Variants in RPS6KA3 observed in about 807,000 individuals in gnomAD.
The protein encoded by RPS6KA3 is ribosomal protein S6 kinase A3.
In RPS6KA3, 4 loss-of-function variants were observed where a neutral mutation model predicts 67.2. That is an observed-to-expected ratio of 0.06 (90% CI 0.03 to 0.14). The LOEUF (loss-of-function observed/expected upper bound fraction) is 0.14, where lower values mean the gene tolerates loss of function less well. Among genes scored for constraint, RPS6KA3 ranks in the 10% least tolerant of loss-of-function variants. The pLI, the probability that RPS6KA3 is intolerant of heterozygous loss-of-function variation, is 1.00. For synonymous variants in RPS6KA3, 182 were observed against 183.7 expected (o/e 0.99, Z 0.07); for missense variants, 204 against 559.0 (o/e 0.36, Z 6.40).
At position 20,155,306 on chromosome X, in the gene RPS6KA3, G is replaced by T; in HGVS notation, c.*92C>A. 1 of 999,099 alleles carries T rather than the reference G, an allele frequency of 1.0e-6. No individual in the cohort carries two copies. Among genetic ancestry groups the T allele is most frequent in the Non-Finnish European group, 1.4e-6 (1 of 702,492 alleles). 82.3% of individuals were successfully genotyped at this position (999,099 alleles called of 1,213,427 possible). On this transcript the variant is annotated 3_prime_UTR_variant, in exon 22 of 22. Coordinates refer to ENST00000379565, the MANE Select transcript of RPS6KA3 (RefSeq NM_004586.3). The stretch of plus-strand genomic sequence containing the variant: ...ATGGGTACCAGCTGGGACAGTGTGT[G>T]CTTGCAGGTGTCTCTCAGATACGTG...
intron 2 of RPS6KA3, among the ~76,000 whole-genome samples, chrX:20,229,906 C>T (rs2069217987): frequency 1.8e-5 from 2 of 111,985 alleles, no homozygotes; most frequent in African/African-American, 3.2e-5. Context: ...GATGTAAATG[C>T]TACTAAAGCC....
chrX:20,196,890 AGTGCAGT>A (rs771345679), intron 4 of RPS6KA3, among the ~76,000 whole-genome samples: 2 of 111,421 alleles, frequency 1.8e-5, no homozygotes, highest in East Asian at 5.6e-4. Flanking sequence ...CCCTGGCTGG[AGTGCAGT>A]GGTGTGACCT....
In RPS6KA3 at chrX:20,194,744, T is replaced by C. The variant is rs2068228053; in HGVS notation, c.406+321A>G. On this transcript the variant is annotated intron_variant, in intron 5 of 21. Transcript: ENST00000379565. ...TTAGGGATCTCTTTGGCCTTTAGGG[T>C]TGGCTAACACATATAGGCTACAAAA... Among the ~76,000 whole-genome samples the C allele has an allele frequency of 1.8e-5, 2 of 110,717 alleles. 1 individual carries two copies. The highest frequency in any genetic ancestry group is 7.6e-4 in the South Asian group (2 of 2,622).
chrX:20,173,805 T>C (rs2067630993), intron 14 of RPS6KA3, among the ~76,000 whole-genome samples: 1 of 112,482 alleles, frequency 8.9e-6, no homozygotes, highest in Non-Finnish European at 1.9e-5. Flanking sequence ...GATAACTGAC[T>C]CATGAAAAAA....
At chrX:20,237,297 C>G (rs1226004835) in intron 1 of RPS6KA3, among the ~76,000 whole-genome samples, 1 of 111,477 alleles carries the variant, frequency 9.0e-6, no homozygotes, top group East Asian at 2.8e-4. Context: ...CTTTCTGTAA[C>G]ACAGACTTGC....
At chrX:20,212,797 G>A (rs777512185) in intron 2 of RPS6KA3, among the ~76,000 whole-genome samples, 1 of 111,051 alleles carries the variant, frequency 9.0e-6, no homozygotes, top group East Asian at 2.8e-4. Flanking sequence ...ACCACATACC[G>A]AAACACTTAC....
chrX:20,234,473 C>T (rs1210558506), intron 2 of RPS6KA3, among the ~76,000 whole-genome samples: 1 of 111,617 alleles, frequency 9.0e-6, no homozygotes, highest in Non-Finnish European at 1.9e-5. Context: ...AAAACTCCAT[C>T]TCAAAAAAAT....
chrX:20,191,830 G>A (rs2068138777), intron 7 of RPS6KA3, among the ~76,000 whole-genome samples: 1 of 110,425 alleles, frequency 9.1e-6, no homozygotes, highest in Non-Finnish European at 1.9e-5. Flanking sequence ...GCAATGGCGC[G>A]ATCTCAGCTC....
intron 4 of RPS6KA3, among the ~76,000 whole-genome samples, chrX:20,195,885 T>A (rs1417941565): frequency 8.9e-6 from 1 of 112,276 alleles, no homozygotes; most frequent in Non-Finnish European, 1.9e-5. Context: ...CCATTTGAGA[T>A]AAGGTATGTA....
At chrX:20,208,459 T>C (rs1471213039) in intron 3 of RPS6KA3, among the ~76,000 whole-genome samples, 1 of 111,783 alleles carries the variant, frequency 8.9e-6, no homozygotes, top group East Asian at 2.8e-4. Flanking sequence ...CTCACGCCTG[T>C]AATCCCAGCA....
chrX:20,230,691 T>C (rs1410296938), intron 2 of RPS6KA3, among the ~76,000 whole-genome samples: 1 of 111,489 alleles, frequency 9.0e-6, no homozygotes, highest in African/African-American at 3.3e-5. Flanking sequence ...CATAAAACTA[T>C]GGAGGTGTTT....
chrX:20,241,349 T>C (rs1051305022), intron 1 of RPS6KA3, among the ~76,000 whole-genome samples: 4 of 108,233 alleles, frequency 3.7e-5, no homozygotes, highest in Admixed American at 2.0e-4. Flanking sequence ...CAAAATTAAA[T>C]CTGCACTGTG....
At chrX:20,222,258 T>C (rs1182048498) in intron 2 of RPS6KA3, among the ~76,000 whole-genome samples, 2 of 111,738 alleles carry the variant, frequency 1.8e-5, no homozygotes, top group Admixed American at 9.5e-5. Context: ...TAAAATGCAA[T>C]GAACATCAAG....
At chrX:20,234,847 A>G in intron 1 of RPS6KA3, 33 bp from the exon 2 acceptor site, 1 of 1,093,153 alleles carries the variant, frequency 9.1e-7, no homozygotes, top group Non-Finnish European at 1.3e-6. Flanking sequence ...GAAGTTACCA[A>G]AACAGACCTC....
chrX:20,177,535 G>A (rs1307217246), intron 10 of RPS6KA3, among the ~76,000 whole-genome samples: 1 of 112,567 alleles, frequency 8.9e-6, no homozygotes, highest in Non-Finnish European at 1.9e-5. Flanking sequence ...CTGAATTTTA[G>A]TTCATAATCT....
intron 3 of RPS6KA3, 23 bp from the exon 4 acceptor site, chrX:20,204,126 A>G (rs913174577): frequency 9.9e-7 from 1 of 1,007,792 alleles, no homozygotes; most frequent in Non-Finnish European, 1.4e-6. Flanking sequence ...AAGAGAAAAT[A>G]AATATTACAA....
intron 2 of RPS6KA3, among the ~76,000 whole-genome samples, chrX:20,223,387 C>T (rs766232931): frequency 2.7e-5 from 3 of 110,510 alleles, no homozygotes; most frequent in Non-Finnish European, 5.7e-5. Context: ...AATCACTGAA[C>T]TTGGCATTAT....
chrX:20,214,368 G>A (rs1359686546), intron 2 of RPS6KA3, among the ~76,000 whole-genome samples: 1 of 112,516 alleles, frequency 8.9e-6, no homozygotes, highest in Non-Finnish European at 1.9e-5. Context: ...ATCTGTAAAT[G>A]TTGTTATTTT....
At chrX:20,266,478 C>T in intron 1 of RPS6KA3, 86 bp downstream of exon 1, 2 of 795,923 alleles carry the variant, frequency 2.5e-6, no homozygotes, top group Non-Finnish European at 1.8e-6. Flanking sequence ...TCAGAACGGG[C>T]CGAGTGGCCA....
Sources: gnomAD v4.1 joint callset for allele counts (sites outside exome capture counted in the v4.1 genomes callset) on GRCh38, gnomAD v4.1.1 for gene constraint, MANE v1.5 for transcripts, NCBI Gene and HGNC (gene_info 2026-07-23, HGNC 2026-07-21) for gene names.